The following GPX5 variants were observed in gnomAD, a reference collection of about 807,000 sequenced individuals.
The protein encoded by GPX5 is epididymal secretory glutathione peroxidase.
GPX5 carries 20 observed loss-of-function variants against 23.8 expected under a neutral mutation model. That is an observed-to-expected ratio of 0.84 (90% CI 0.59 to 1.22). The LOEUF (loss-of-function observed/expected upper bound fraction) is 1.22. GPX5 is among the 50% of genes most tolerant of loss of function. The pLI, the probability that GPX5 is intolerant of heterozygous loss-of-function variation, is 0.00. For missense variants in GPX5, 230 were observed against 266.6 expected (o/e 0.86, Z 0.96); for synonymous variants, 92 against 99.5 (o/e 0.92, Z 0.45).
At chr6:28,527,786 T>A (rs1245928784) in intron 1 of GPX5, 1 of 152,184 alleles carries the variant, frequency 6.6e-6, no homozygotes, top group Non-Finnish European at 1.5e-5. Flanking sequence ...TTCCCCAGTA[T>A]AAGAAAAGGG....
intron 1 of GPX5, among the ~76,000 whole-genome samples, chr6:28,526,845 C>T (rs28382592): frequency 0.052 from 7,856 of 152,270 alleles, 407 homozygotes; most frequent in African/African-American, 0.14. Context: ...TCTGTTATCT[C>T]ATTGTAAATT....
chr6:28,525,902 C>A lies in GPX5; in HGVS notation c.-112C>A. On this transcript the variant is annotated 5_prime_UTR_variant, in exon 1 of 5. Transcript: ENST00000412168. ...CCTCATGCGTCGGGAATCCTTGCAG[C>A]CCTGTGACTGGCCTGTGGGGGCTTG... The A allele has an allele frequency of 1.3e-6, 1 of 775,408 alleles. No homozygotes were observed. Among genetic ancestry groups the A allele is most frequent in the Non-Finnish European group, 2.3e-6 (1 of 438,868 alleles). The allele number at this position is 775,408 out of a possible 1,614,324, so 48.0% of individuals were successfully genotyped here. A position where few individuals can be genotyped will look rare whatever the true frequency, so the allele number is the denominator to read the frequency against.
chr6:28,531,891 C>T lies in GPX5; in HGVS notation c.355C>T (p.Leu119Phe). The T allele has an allele frequency of 6.2e-7, 1 of 1,605,380 alleles. No homozygotes were observed. The highest frequency in any genetic ancestry group is 1.1e-5 in the South Asian group (1 of 90,878). ...PGDNKEILPG[L>F]KYVRPGGGFV... ...AGATAACAAAGAGATTCTTCCTGGGCTCAAGTACGTGTCTTCTTGAAATCC... is the reference window on the plus strand; with the variant it reads ...AGATAACAAAGAGATTCTTCCTGGGTTCAAGTACGTGTCTTCTTGAAATCC... Residue 119 changes from leucine (L) to phenylalanine (F), a missense_variant, in exon 3 of 5, where the codon CTC becomes TTC. Coordinates refer to ENST00000412168, the MANE Select transcript of GPX5 (RefSeq NM_001509.3).
chr6:28,529,871 T>C, intron 2 of GPX5: 1 of 327,674 alleles, frequency 3.1e-6, no homozygotes, highest in Non-Finnish European at 5.5e-6. Context: ...TGCTGTAAAA[T>C]AGAGGTTAGT....
At chr6:28,533,410 C>G (rs1337080811) in intron 4 of GPX5, among the ~76,000 whole-genome samples, 1 of 152,114 alleles carries the variant, frequency 6.6e-6, no homozygotes, top group Admixed American at 6.5e-5. Context: ...CAAAAAAGAA[C>G]AGTGTGGGAA....
At chr6:28,531,125 T>C (rs1459641106) in intron 2 of GPX5, among the ~76,000 whole-genome samples, 3 of 151,506 alleles carry the variant, frequency 2.0e-5, no homozygotes. Flanking sequence ...TCAGTTTTAC[T>C]TCCACTCCAC....
intron 4 of GPX5, among the ~76,000 whole-genome samples, chr6:28,533,375 C>A (rs763221786): frequency 2.6e-5 from 4 of 152,034 alleles, no homozygotes; most frequent in Non-Finnish European, 5.9e-5. Context: ...GGCGACACAG[C>A]GAGACTCTGT....
intron 2 of GPX5, 94 bp downstream of exon 2, chr6:28,529,698 T>C (rs778151837): frequency 2.1e-6 from 2 of 959,720 alleles, no homozygotes; most frequent in South Asian, 2.4e-5. Context: ...ATTATAATTA[T>C]GTACCAAAAT....
intron 1 of GPX5, among the ~76,000 whole-genome samples, chr6:28,527,493 G>A (rs1456291598): frequency 6.6e-6 from 1 of 152,150 alleles, no homozygotes; most frequent in Non-Finnish European, 1.5e-5. Context: ...TGGGATAACA[G>A]GACTAGAAAA....
At chr6:28,531,681 C>T (rs1763325390) in intron 2 of GPX5, 97 bp from the exon 3 acceptor site, 1 of 771,382 alleles carries the variant, frequency 1.3e-6, no homozygotes, top group Non-Finnish European at 2.2e-6. Flanking sequence ...CCCTGGGCCT[C>T]TGTTTCCTTC....
In GPX5 at chr6:28,534,264, A is replaced by C; in HGVS notation, c.*97A>C. 1 of 780,578 alleles carries C rather than the reference A, an allele frequency of 1.3e-6. No individual in the cohort carries two copies. Among genetic ancestry groups the C allele is most frequent in the East Asian group, 2.9e-5 (1 of 34,458 alleles). The allele number at this position is 780,578 out of a possible 1,614,324, so 48.4% of individuals were successfully genotyped here. On this transcript the variant is annotated 3_prime_UTR_variant, in exon 5 of 5. Transcript: ENST00000412168. ...AAAGGAATACCCATCTTCTCACCAC[A>C]CTCTCTTCCTGCATGGGCTCCACCT...
Position 28,534,529 on chromosome 6 carries a change from C to A in GPX5, c.*362C>A, listed in dbSNP as rs1763389380. ...ATCCTGAAGAACATTCCTAGACATT[C>A]TGACTCTTCCATCTCTCTCTACCCT... On this transcript the variant is annotated 3_prime_UTR_variant, in exon 5 of 5. Coordinates refer to ENST00000412168, the MANE Select transcript of GPX5 (RefSeq NM_001509.3). 5.1e-6 allele frequency: 1 copy of A among 195,850 alleles called. No homozygotes were observed. The highest frequency in any genetic ancestry group is 1.2e-4 in the East Asian group (1 of 8,054). 12.1% of individuals were successfully genotyped at this position (195,850 alleles called of 1,614,324 possible).
chr6:28,530,808 G>C (rs549152153), intron 2 of GPX5, among the ~76,000 whole-genome samples: 1 of 152,310 alleles, frequency 6.6e-6, no homozygotes, highest in African/African-American at 2.4e-5. Context: ...AAACAGGAAG[G>C]CAATCTCTGT....
rs1472603695 is a variant in GPX5, at chr6:28,529,480, C to T, written c.117C>T (p.Thr39=). The change falls in exon 2 of 5, where the codon ACC becomes ACT. Residue 39 remains threonine (T), a synonymous_variant. Coordinates refer to ENST00000412168, the MANE Select transcript of GPX5 (RefSeq NM_001509.3). The part of the protein sequence containing the change: ...KMDCHKDEKG[T]IYDYEAIALN... ...ATTGCCACAAAGACGAGAAAGGCAC[C>T]ATCTATGACTATGAGGCCATCGCAC... 36 of 1,609,004 alleles carry T rather than the reference C, an allele frequency of 2.2e-5. No individual in the cohort carries two copies. Among genetic ancestry groups the T allele is most frequent in the Non-Finnish European group, 3.1e-5 (36 of 1,177,472 alleles).
chr6:28,525,969 G>A lies in GPX5; in HGVS notation c.-45G>A, dbSNP rs1413864022. The A allele has an allele frequency of 7.1e-7, 1 of 1,416,528 alleles. No homozygotes were observed. The highest frequency in any genetic ancestry group is 1.7e-5 in the Admixed American group (1 of 59,756). The allele number at this position is 1,416,528 out of a possible 1,614,324, so 87.7% of individuals were successfully genotyped here. ...AGATACCAAAAGACTGCAGAGGTGG[G>A]CAAAGACCTCAGGCCCCCAGACTAG... On this transcript the variant is annotated 5_prime_UTR_variant, in exon 1 of 5. Coordinates refer to ENST00000412168, the MANE Select transcript of GPX5 (RefSeq NM_001509.3).
At position 28,532,333 on chromosome 6, in the gene GPX5, A is replaced by AG. The variant is rs1562010962; in HGVS notation, c.377dup (p.Gly127ArgfsTer5). The AG allele has an allele frequency of 1.3e-6, 2 of 1,576,072 alleles. No homozygotes were observed. Among genetic ancestry groups the AG allele is most frequent in the East Asian group, 2.3e-5 (1 of 42,758 alleles). ...TGGCTTGTTGCAGGTATGTCCGTCC[A>AG]GGGGGAGGATTTGTACCTAGTTTCC... is the stretch of plus-strand genomic sequence containing the variant. On this transcript the variant is annotated frameshift_variant, in exon 4 of 5. Transcript: ENST00000412168. LOFTEE classifies it high-confidence loss of function.
Position 28,534,250 on chromosome 6 carries a change from C to A in GPX5, c.*83C>A. 1.1e-6 allele frequency: 1 copy of A among 944,640 alleles called. No homozygotes were observed. Among genetic ancestry groups the A allele is most frequent in the Non-Finnish European group, 1.6e-6 (1 of 643,474 alleles). 58.5% of individuals were successfully genotyped at this position (944,640 alleles called of 1,614,324 possible). A position where few individuals can be genotyped will look rare whatever the true frequency, so the allele number is the denominator to read the frequency against. On this transcript the variant is annotated 3_prime_UTR_variant, in exon 5 of 5. Coordinates refer to ENST00000412168, the MANE Select transcript of GPX5 (RefSeq NM_001509.3). ...CACCCCTCCAAAAAAAAGGAATACCCATCTTCTCACCACACTCTCTTCCTG... is the reference window on the plus strand; with the variant it reads ...CACCCCTCCAAAAAAAAGGAATACCAATCTTCTCACCACACTCTCTTCCTG...
At chr6:28,532,251 T>C in intron 3 of GPX5, 70 bp from the exon 4 acceptor site, 1 of 908,132 alleles carries the variant, frequency 1.1e-6, no homozygotes, top group Non-Finnish European at 1.7e-6. Context: ...TGACTTCAAA[T>C]CCTAGTGTCC....
intron 1 of GPX5, chr6:28,528,087 A>C (rs1763241314): frequency 6.6e-6 from 1 of 152,214 alleles, no homozygotes; most frequent in Non-Finnish European, 1.5e-5. Flanking sequence ...CAATGGGCTG[A>C]TGAGCTGGGT....
Sources: gnomAD v4.1 joint callset for allele counts (sites outside exome capture counted in the v4.1 genomes callset) on GRCh38, gnomAD v4.1.1 for gene constraint, MANE v1.5 for transcripts, NCBI Gene and HGNC (gene_info 2026-07-23, HGNC 2026-07-21) for gene names.